CNTN3: variants seen among roughly 807,000 people sequenced by gnomAD.
CNTN3 encodes the protein contactin 3, also known as contactin-3.
In CNTN3, 60 loss-of-function variants were observed where a neutral mutation model predicts 119.1. That is an observed-to-expected ratio of 0.50 (90% CI 0.41 to 0.62). The LOEUF is 0.62. Among genes scored for constraint, CNTN3 ranks in the 20% least tolerant of loss-of-function variants. The pLI, the probability that CNTN3 is intolerant of heterozygous loss-of-function variation, is 0.00. For synonymous variants in CNTN3, 450 were observed against 438.7 expected (o/e 1.03, Z -0.32); for missense variants, 1,101 against 1,242.4 (o/e 0.89, Z 1.71).
intron 1 of CNTN3, among the ~76,000 whole-genome samples, chr3:74,581,884 A>C (rs553330622): frequency 2.6e-5 from 4 of 152,322 alleles, no homozygotes; most frequent in African/African-American, 7.2e-5. Flanking sequence ...GCTAGAAAAA[A>C]AATGAATACT....
intron 1 of CNTN3, among the ~76,000 whole-genome samples, chr3:74,595,935 A>G (rs1354171894): frequency 1.3e-5 from 2 of 151,994 alleles, no homozygotes; most frequent in African/African-American, 4.8e-5. Flanking sequence ...GTATATCTAG[A>G]AAACCCCATT....
intron 17 of CNTN3, among the ~76,000 whole-genome samples, chr3:74,298,711 A>G (rs1559688889): frequency 6.6e-6 from 1 of 151,926 alleles, no homozygotes; most frequent in African/African-American, 2.4e-5. Flanking sequence ...AGTCTGTCCA[A>G]TATGGTGAAA....
chr3:74,545,934 A>G (rs1267483910), intron 1 of CNTN3, among the ~76,000 whole-genome samples: 2 of 151,762 alleles, frequency 1.3e-5, no homozygotes, highest in Non-Finnish European at 2.9e-5. Flanking sequence ...CAACCACACC[A>G]TCTCTTACTA....
intron 1 of CNTN3, among the ~76,000 whole-genome samples, chr3:74,601,887 G>A (rs898561914): frequency 2.0e-5 from 3 of 151,988 alleles, no homozygotes; most frequent in Non-Finnish European, 2.9e-5. Flanking sequence ...TTTCCATCAG[G>A]GAGCTTCTCC....
intron 2 of CNTN3, among the ~76,000 whole-genome samples, chr3:74,501,362 A>G (rs1032802950): frequency 1.3e-5 from 2 of 152,034 alleles, no homozygotes; most frequent in African/African-American, 4.8e-5. Flanking sequence ...CTGGTTGGCT[A>G]TCATACTCCT....
chr3:74,397,562 A>T (rs1038080505), intron 5 of CNTN3, among the ~76,000 whole-genome samples: 9 of 151,912 alleles, frequency 5.9e-5, no homozygotes, highest in African/African-American at 2.2e-4. Flanking sequence ...CTATTCCCTG[A>T]GGCAAATAAT....
intron 1 of CNTN3, among the ~76,000 whole-genome samples, chr3:74,582,777 A>T (rs1267368013): frequency 8.4e-6 from 1 of 119,158 alleles, no homozygotes; most frequent in Admixed American, 9.0e-5. Context: ...GTGCATGTGT[A>T]TGCATTTGTG....
chr3:74,561,191 A>T (rs1049377810), intron 1 of CNTN3, among the ~76,000 whole-genome samples: 8 of 151,354 alleles, frequency 5.3e-5, no homozygotes, highest in Admixed American at 3.9e-4. Flanking sequence ...AAAAATAAAA[A>T]AAAATAAAAT....
intron 13 of CNTN3, among the ~76,000 whole-genome samples, chr3:74,317,947 C>T (rs1176634988): frequency 2.0e-5 from 3 of 152,116 alleles, no homozygotes; most frequent in Non-Finnish European, 4.4e-5. Flanking sequence ...CAACTTGGTT[C>T]CATTCTCCCT....
intron 20 of CNTN3, among the ~76,000 whole-genome samples, chr3:74,279,255 T>C (rs554949550): frequency 6.6e-6 from 1 of 152,302 alleles, no homozygotes; most frequent in East Asian, 1.9e-4. Flanking sequence ...ATCCCACTAC[T>C]GGGTATCTAC....
chr3:74,373,658 A>C (rs1389218901), intron 5 of CNTN3, among the ~76,000 whole-genome samples: 3 of 152,194 alleles, frequency 2.0e-5, no homozygotes, highest in Non-Finnish European at 4.4e-5. Flanking sequence ...AAATATCACA[A>C]ATATAATTCT....
At chr3:74,429,637 C>A (rs1396811231) in intron 4 of CNTN3, among the ~76,000 whole-genome samples, 1 of 151,976 alleles carries the variant, frequency 6.6e-6, no homozygotes, top group African/African-American at 2.4e-5. Flanking sequence ...ACCAATAAAC[C>A]AGACTGCATC....
intron 5 of CNTN3, among the ~76,000 whole-genome samples, chr3:74,406,491 T>C (rs184134202): frequency 2.6e-5 from 4 of 152,092 alleles, no homozygotes; most frequent in Admixed American, 2.6e-4. Context: ...TGTTCCATAA[T>C]AAGCATCGTT....
At chr3:74,319,363 A>AT (rs1158716455) in intron 13 of CNTN3, among the ~76,000 whole-genome samples, 19 of 152,186 alleles carry the variant, frequency 1.2e-4, no homozygotes, top group Non-Finnish European at 2.1e-4. Flanking sequence ...ATAATGCCGC[A>AT]TATCTACAAC....
rs576750281 is a variant in CNTN3, at chr3:74,361,763, T to C, written c.1364+127A>G. On this transcript the variant is annotated intron_variant, in intron 11 of 22. Coordinates refer to ENST00000263665, the MANE Select transcript of CNTN3 (RefSeq NM_020872.3). ...TTAAAGAACAAAAATACTACTATTT[T>C]AGTTCTTAAAGATCTCACATGCTAC... 15 of 954,448 alleles carry C rather than the reference T, an allele frequency of 1.6e-5. No homozygotes were observed. In the South Asian group the frequency reaches 2.4e-4, roughly 15 times the overall value. 59.1% of individuals were successfully genotyped at this position (954,448 alleles called of 1,614,324 possible).
intron 1 of CNTN3, among the ~76,000 whole-genome samples, chr3:74,563,948 A>G (rs1400368666): frequency 2.0e-5 from 3 of 152,128 alleles, no homozygotes; most frequent in Non-Finnish European, 4.4e-5. Flanking sequence ...TTGTTTATCT[A>G]TTCATTCATT....
intron 4 of CNTN3, among the ~76,000 whole-genome samples, chr3:74,444,579 A>G (rs1297152178): frequency 6.6e-6 from 1 of 151,934 alleles, no homozygotes; most frequent in Admixed American, 6.6e-5. Context: ...ATGTCCAACA[A>G]TGCTAACTTT....
At chr3:74,414,697 G>GAAATATCC (rs1299227143) in intron 5 of CNTN3, among the ~76,000 whole-genome samples, 1 of 152,086 alleles carries the variant, frequency 6.6e-6, no homozygotes, top group East Asian at 1.9e-4. Flanking sequence ...ATCTGTGTAA[G>GAAATATCC]AAATATCCCT....
intron 1 of CNTN3, among the ~76,000 whole-genome samples, chr3:74,527,438 A>G (rs76002322): frequency 0.037 from 5,633 of 151,970 alleles, 139 homozygotes; most frequent in South Asian, 0.069. Context: ...TATTGCCAGA[A>G]CATTCTGAGA....
Sources: allele counts gnomAD v4.1 joint callset (sites outside exome capture counted in the v4.1 genomes callset), GRCh38; gene constraint gnomAD v4.1.1; transcripts MANE v1.5; gene names NCBI Gene and HGNC (gene_info 2026-07-23, HGNC 2026-07-21).